Variants in CERT1 observed in about 807,000 individuals in gnomAD.
The protein encoded by CERT1 is ceramide transfer protein.
A neutral mutation model predicts 87.9 loss-of-function variants in CERT1; 31 were observed. The observed-to-expected ratio is 0.35, with a 90% CI of 0.27 to 0.48. The LOEUF is 0.48. Ranked by LOEUF, CERT1 falls within the 20% of genes least tolerant of loss-of-function variation. The probability of loss-of-function intolerance (pLI) is 0.99; values close to 1 mark genes in which losing one functional copy is unlikely to be tolerated. For synonymous variants in CERT1, 289 were observed against 250.9 expected (o/e 1.15, Z -1.44); for missense variants, 487 against 758.0 (o/e 0.64, Z 4.20).
chr5:75,439,986 A>C (rs1188493133), intron 3 of CERT1, among the ~76,000 whole-genome samples: 1 of 152,072 alleles, frequency 6.6e-6, no homozygotes, highest in East Asian at 1.9e-4. Flanking sequence ...TGTGCTTTTG[A>C]ATCACTGTAA....
chr5:75,387,547 G>A (rs926953627), intron 12 of CERT1, among the ~76,000 whole-genome samples: 24 of 152,008 alleles, frequency 1.6e-4, no homozygotes, highest in Non-Finnish European at 3.4e-4. Flanking sequence ...TTCAAGACCA[G>A]CCTAGCCAAC....
intron 3 of CERT1, among the ~76,000 whole-genome samples, chr5:75,426,686 G>T (rs1763633644): frequency 6.6e-6 from 1 of 152,144 alleles, no homozygotes; most frequent in Non-Finnish European, 1.5e-5. Flanking sequence ...ACTATGTGCT[G>T]GGCTAGTGGT....
chr5:75,448,164 T>C (rs1764633646), intron 3 of CERT1, among the ~76,000 whole-genome samples: 1 of 152,206 alleles, frequency 6.6e-6, no homozygotes, highest in Non-Finnish European at 1.5e-5. Flanking sequence ...TTCATTTTTA[T>C]GTAAAATGGG....
chr5:75,511,056 T>C lies in CERT1; in HGVS notation c.96+56A>G, dbSNP rs576661946. The C allele has an allele frequency of 1.9e-4, 286 of 1,470,348 alleles. 2 individuals carry two copies. In the Middle Eastern group the frequency reaches 2.7e-3, roughly 14 times the overall value. The allele number at this position is 1,470,348 out of a possible 1,614,324, so 91.1% of individuals were successfully genotyped here. ...AGCCCCACCCCACCGCCTCAGCGGA[T>C]TGCCTCGCTGCAGGTGAGTCTGGCC... On this transcript the variant is annotated intron_variant, in intron 1 of 16. Coordinates refer to ENST00000643780, the MANE Select transcript of CERT1 (RefSeq NM_001379029.1).
At chr5:75,384,831 A>C in intron 13 of CERT1, 119 bp from the exon 14 acceptor site, 1 of 632,740 alleles carries the variant, frequency 1.6e-6, no homozygotes, top group Non-Finnish European at 2.8e-6. Flanking sequence ...ATCCTGCCCT[A>C]TCTAGGTTAC....
intron 2 of CERT1, among the ~76,000 whole-genome samples, chr5:75,486,895 T>C (rs909892357): frequency 6.6e-6 from 1 of 152,116 alleles, no homozygotes; most frequent in African/African-American, 2.4e-5. Context: ...ATTGTTAAAA[T>C]GTCCATACTA....
intron 2 of CERT1, among the ~76,000 whole-genome samples, chr5:75,481,897 CTCTCA>C (rs1292078654): frequency 6.6e-6 from 1 of 152,008 alleles, no homozygotes; most frequent in Non-Finnish European, 1.5e-5. Flanking sequence ...ATGATCTCTC[CTCTCA>C]TATGAATCAC....
intron 17 of CERT1, chr5:75,372,637 A>G (rs1398061490): frequency 2.6e-5 from 4 of 152,236 alleles, no homozygotes; most frequent in Non-Finnish European, 4.4e-5. Context: ...CATATGTTTT[A>G]TATGTATTTT....
At chr5:75,391,119 C>CTA (rs1481643798) in intron 11 of CERT1, among the ~76,000 whole-genome samples, 1 of 152,180 alleles carries the variant, frequency 6.6e-6, no homozygotes, top group Non-Finnish European at 1.5e-5. Context: ...AGTGCACCAC[C>CTA]ACATCCAGTT....
intron 5 of CERT1, among the ~76,000 whole-genome samples, chr5:75,420,347 GT>G (rs11310251): frequency 0.13 from 18,379 of 138,380 alleles, 1,095 homozygotes; most frequent in South Asian, 0.23. Flanking sequence ...GATATCGACT[GT>G]TTTTTTTTTT....
chr5:75,392,204 A>G (rs1309411853), intron 11 of CERT1, among the ~76,000 whole-genome samples: 1 of 152,244 alleles, frequency 6.6e-6, no homozygotes, highest in Non-Finnish European at 1.5e-5. Context: ...GTCTTTCTAG[A>G]TAGGCAAAAA....
At chr5:75,441,885 T>C (rs1764338533) in intron 3 of CERT1, among the ~76,000 whole-genome samples, 1 of 152,240 alleles carries the variant, frequency 6.6e-6, no homozygotes, top group African/African-American at 2.4e-5. Context: ...ACAACTCTCT[T>C]CAAGATCCCT....
intron 2 of CERT1, among the ~76,000 whole-genome samples, chr5:75,466,222 A>T (rs762898623): frequency 6.6e-6 from 1 of 152,178 alleles, no homozygotes; most frequent in Non-Finnish European, 1.5e-5. Context: ...CAGGAACAAG[A>T]TAGAAGGAAC....
chr5:75,505,014 C>T (rs1767587286), intron 2 of CERT1, among the ~76,000 whole-genome samples: 1 of 152,080 alleles, frequency 6.6e-6, no homozygotes, highest in Non-Finnish European at 1.5e-5. Flanking sequence ...AGGCCAGGCG[C>T]GGTGGCTCAT....
At chr5:75,459,005 G>T in intron 3 of CERT1, 60 bp downstream of exon 3, 6 of 873,252 alleles carry the variant, frequency 6.9e-6, no homozygotes, top group African/African-American at 1.7e-5. Context: ...TTTTTTTTAA[G>T]GTATTGTCAA....
intron 4 of CERT1, 98 bp from the exon 5 acceptor site, chr5:75,425,597 A>G (rs563873101): frequency 2.7e-5 from 31 of 1,154,500 alleles, no homozygotes; most frequent in Non-Finnish European, 3.5e-5. Flanking sequence ...TCTGCACCTT[A>G]TAACTGAGGG....
chr5:75,369,645 G>A (rs1297757637), intron 17 of CERT1: 1 of 152,228 alleles, frequency 6.6e-6, no homozygotes, highest in Non-Finnish European at 1.5e-5. Flanking sequence ...GGAGGAGTCA[G>A]AAAAGGCATA....
intron 3 of CERT1, among the ~76,000 whole-genome samples, chr5:75,436,512 C>T (rs548943249): frequency 6.6e-6 from 1 of 152,204 alleles, no homozygotes; most frequent in African/African-American, 2.4e-5. Flanking sequence ...CCTTTTCCTT[C>T]CCTTTCCCTT....
chr5:75,399,189 T>C, intron 11 of CERT1, 121 bp downstream of exon 11: 1 of 712,630 alleles, frequency 1.4e-6, no homozygotes, highest in South Asian at 1.6e-5. Context: ...ATGCTTAATG[T>C]TACTATTTAA....
Sources: allele counts gnomAD v4.1 joint callset (sites outside exome capture counted in the v4.1 genomes callset), GRCh38; gene constraint gnomAD v4.1.1; transcripts MANE v1.5; gene names NCBI Gene and HGNC (gene_info 2026-07-23, HGNC 2026-07-21).